Variants in CYB5R3 observed in about 807,000 individuals in gnomAD.
CYB5R3 encodes NADH-cytochrome b5 reductase 3.
A neutral mutation model predicts 36.5 loss-of-function variants in CYB5R3; 28 were observed. That is an observed-to-expected ratio of 0.77 (90% CI 0.57 to 1.05). CYB5R3 has a LOEUF of 1.05. Ranked by LOEUF, CYB5R3 falls within the 50% of genes least tolerant of loss-of-function variation. The probability of loss-of-function intolerance (pLI) is 0.00; values close to 1 mark genes in which losing one functional copy is unlikely to be tolerated. For synonymous variants in CYB5R3, 181 were observed against 159.8 expected, an observed-to-expected ratio of 1.13 and a Z score of -1.00; for missense variants, 474 against 408.9, an observed-to-expected ratio of 1.16 and a Z score of -1.37.
intron 1 of CYB5R3, among the ~76,000 whole-genome samples, chr22:42,640,885 G>A (rs1929232861): frequency 6.6e-6 from 1 of 151,544 alleles, no homozygotes; most frequent in African/African-American, 2.4e-5. Flanking sequence ...TTGAGACGGA[G>A]TCTTGCTGTC....
At chr22:42,648,250 G>A (rs1384295936) in intron 1 of CYB5R3, among the ~76,000 whole-genome samples, 1 of 150,190 alleles carries the variant, frequency 6.7e-6, no homozygotes, top group Non-Finnish European at 1.5e-5. Flanking sequence ...GAGGACCCAG[G>A]TGCCCTCCAA....
chr22:42,619,728 G>T lies in CYB5R3; in HGVS notation c.*45C>A. The T allele has an allele frequency of 6.6e-7, 1 of 1,525,622 alleles. No individual in the cohort carries two copies. The allele number at this position is 1,525,622 out of a possible 1,614,324, so 94.5% of individuals were successfully genotyped here. ...AGGTGACTGGGTGAGCGTGAACAGGGCGTGGGGTGCGCGGGGCGGGTGGCC... is the reference window on the plus strand; with the variant it reads ...AGGTGACTGGGTGAGCGTGAACAGGTCGTGGGGTGCGCGGGGCGGGTGGCC... On this transcript the variant is annotated 3_prime_UTR_variant, in exon 9 of 9. Coordinates refer to ENST00000352397, the MANE Select transcript of CYB5R3 (RefSeq NM_000398.7).
At chr22:42,627,775 C>T (rs1167886054) in intron 5 of CYB5R3, 87 bp from the exon 6 acceptor site, 6 of 1,018,834 alleles carry the variant, frequency 5.9e-6, no homozygotes, top group Non-Finnish European at 9.4e-6. Flanking sequence ...GGAGAACCTG[C>T]CCCCACTGTG....
chr22:42,641,575 TC>T (rs1176339179), intron 1 of CYB5R3, among the ~76,000 whole-genome samples: 1 of 152,114 alleles, frequency 6.6e-6, no homozygotes, highest in Non-Finnish European at 1.5e-5. Context: ...AACCTCCACC[TC>T]CCGGGTTCAA....
At chr22:42,630,718 G>A (rs1415209639) in intron 4 of CYB5R3, among the ~76,000 whole-genome samples, 164 bp downstream of exon 4, 2 of 152,212 alleles carry the variant, frequency 1.3e-5, no homozygotes, top group Non-Finnish European at 2.9e-5. Context: ...AGGGGCTCTA[G>A]AAGCCACTGC....
chr22:42,631,343 G>A (rs764275131), intron 3 of CYB5R3, 35 bp downstream of exon 3: 9 of 1,541,610 alleles, frequency 5.8e-6, no homozygotes, highest in South Asian at 3.6e-5. Flanking sequence ...GCAGCCTGCC[G>A]GGCTCCGAAT....
intron 5 of CYB5R3, 66 bp from the exon 6 acceptor site, chr22:42,627,754 G>C (rs1205638135): frequency 7.9e-7 from 1 of 1,261,308 alleles, no homozygotes. Flanking sequence ...GGAGAGGCTG[G>C]AGAGGGGGCT....
rs958629624 is a variant in CYB5R3, at chr22:42,631,652, G to A, written c.154-202C>T. On this transcript the variant is annotated intron_variant, in intron 2 of 8. Transcript: ENST00000352397. Reference sequence around the variant, plus strand: ...TGCGTGTGAGGTGCTGAGGCCAGGCGCACGCTGGGTGTGTCTGTCCTGCTG... The same window carrying A: ...TGCGTGTGAGGTGCTGAGGCCAGGCACACGCTGGGTGTGTCTGTCCTGCTG... 4.5e-5 allele frequency: 28 copies of A among 622,934 alleles called. 2 individuals carry two copies. Among genetic ancestry groups the A allele is most frequent in the Admixed American group, 1.7e-4 (7 of 40,742 alleles). 38.6% of individuals were successfully genotyped at this position (622,934 alleles called of 1,614,324 possible). A position where few individuals can be genotyped will look rare whatever the true frequency, so the allele number is the denominator to read the frequency against.
intron 7 of CYB5R3, among the ~76,000 whole-genome samples, chr22:42,625,336 G>A (rs1182139623): frequency 4.6e-5 from 7 of 151,656 alleles, no homozygotes; most frequent in South Asian, 2.1e-4. Flanking sequence ...GTGAAACCCC[G>A]TCTCTACTAA....
rs1291484522 is a variant in CYB5R3, at chr22:42,619,709, CTGGG to C, written c.*60_*63del. The C allele has an allele frequency of 6.8e-7, 1 of 1,476,208 alleles. No homozygotes were observed. Among genetic ancestry groups the C allele is most frequent in the Non-Finnish European group, 9.1e-7 (1 of 1,102,472 alleles). 91.4% of individuals were successfully genotyped at this position (1,476,208 alleles called of 1,614,324 possible). ...CCCAGTGTGCGATGTGGGGAGGTGA[CTGGG>C]TGAGCGTGAACAGGGCGTGGGGTGC... On this transcript the variant is annotated 3_prime_UTR_variant, in exon 9 of 9. Transcript: ENST00000352397.
chr22:42,648,233 A>G (rs1270073712), intron 1 of CYB5R3, among the ~76,000 whole-genome samples: 1 of 147,790 alleles, frequency 6.8e-6, no homozygotes, highest in Non-Finnish European at 1.5e-5. Context: ...GGTCCTCCCC[A>G]AGGAGGGAGG....
chr22:42,620,517 C>T (rs1387116166), intron 8 of CYB5R3, among the ~76,000 whole-genome samples: 1 of 152,116 alleles, frequency 6.6e-6, no homozygotes, highest in East Asian at 1.9e-4. Context: ...CCCCCTCGAG[C>T]CCTGAGCGCC....
At chr22:42,639,423 T>C (rs1601946280) in intron 1 of CYB5R3, among the ~76,000 whole-genome samples, 1 of 150,906 alleles carries the variant, frequency 6.6e-6, no homozygotes, top group Non-Finnish European at 1.5e-5. Context: ...AGGTCAGGAG[T>C]TGGAGACCAG....
rs201232518 is a variant in CYB5R3, at chr22:42,627,616, G to A, written c.536C>T (p.Ala179Val). ...GGGGTTCCGTGTACCTGTCCCTCCC[G>A]CGATCATGCCCACAGACTTCACTGT... Reference protein sequence around the residue: ...IRTVKSVGMIAGGTGITPMLQ... With the variant: ...IRTVKSVGMIVGGTGITPMLQ... The change falls in exon 6 of 9, where the codon GCG becomes GTG. Residue 179 changes from alanine (A) to valine (V), a missense_variant. By Grantham distance (64) the Ala-to-Val change is moderately conservative. Coordinates refer to ENST00000352397, the MANE Select transcript of CYB5R3 (RefSeq NM_000398.7). The A allele has an allele frequency of 8.7e-6, 14 of 1,613,988 alleles. No homozygotes were observed. The highest frequency in any genetic ancestry group is 3.3e-5 in the Admixed American group (2 of 60,010).
At position 42,630,379 on chromosome 22, in the gene CYB5R3, C is replaced by T. The variant is rs553780891; in HGVS notation, c.333+503G>A. Among the ~76,000 whole-genome samples the T allele has an allele frequency of 1.4e-4, 21 of 152,186 alleles. 1 individual carries two copies. The highest frequency in any genetic ancestry group is 3.1e-4 in the Non-Finnish European group (21 of 68,042). On this transcript the variant is annotated intron_variant, in intron 4 of 8. Transcript: ENST00000352397. ...ACAGGGCCTGCGTGTCACAGAGGCC[C>T]GGCCGCTGACCACGGTGGAGTGGCT...
At chr22:42,628,350 G>C in intron 4 of CYB5R3, 69 bp from the exon 5 acceptor site, 1 of 1,592,128 alleles carries the variant, frequency 6.3e-7, no homozygotes, top group Non-Finnish European at 8.6e-7. Context: ...GCCCACAGTG[G>C]GAGACAAGTG....
At chr22:42,631,111 C>T (rs1928593085) in intron 3 of CYB5R3, 123 bp from the exon 4 acceptor site, 15 of 940,584 alleles carry the variant, frequency 1.6e-5, no homozygotes, top group South Asian at 7.0e-5. Flanking sequence ...TCAGCTCCCA[C>T]GGCCCCCTCC....
intron 2 of CYB5R3, among the ~76,000 whole-genome samples, chr22:42,634,317 C>A (rs193076651): frequency 6.6e-6 from 1 of 151,282 alleles, no homozygotes; most frequent in South Asian, 2.1e-4. Flanking sequence ...GCCGAGATCA[C>A]ACCATTGCAC....
intron 1 of CYB5R3, among the ~76,000 whole-genome samples, chr22:42,647,992 G>C (rs1280025307): frequency 1.3e-5 from 2 of 152,226 alleles, no homozygotes; most frequent in African/African-American, 4.8e-5. Context: ...GTGGAGACCA[G>C]GGGAAGCTTT....
Sources: allele counts gnomAD v4.1 joint callset (sites outside exome capture counted in the v4.1 genomes callset), GRCh38; gene constraint gnomAD v4.1.1; transcripts MANE v1.5; gene names NCBI Gene and HGNC (gene_info 2026-07-23, HGNC 2026-07-21).